The following VNN1 variants were observed in gnomAD, a reference collection of about 807,000 sequenced individuals.
VNN1 encodes the protein pantetheinase.
Under a neutral mutation model 41.9 loss-of-function variants are expected in VNN1, and 29 were observed. That is an observed-to-expected ratio of 0.69 (90% CI 0.52 to 0.94). The LOEUF (loss-of-function observed/expected upper bound fraction) is 0.94. Ranked by LOEUF, VNN1 falls within the 40% of genes least tolerant of loss-of-function variation. VNN1 has a pLI of 0.00. For missense variants in VNN1, 637 were observed against 621.1 expected, an observed-to-expected ratio of 1.03 and a Z score of -0.27; for synonymous variants, 233 against 224.4, an observed-to-expected ratio of 1.04 and a Z score of -0.34.
intron 4 of VNN1, 87 bp from the exon 5 acceptor site, chr6:132,692,671 C>A: frequency 6.9e-7 from 1 of 1,443,082 alleles, no homozygotes; most frequent in Non-Finnish European, 9.1e-7. Context: ...ACCTCATATT[C>A]ACATTTTACT....
intron 2 of VNN1, among the ~76,000 whole-genome samples, chr6:132,703,069 C>T (rs1439716012): frequency 6.6e-6 from 1 of 152,180 alleles, no homozygotes; most frequent in Non-Finnish European, 1.5e-5. Context: ...CTCCTAAAGT[C>T]CTCAATTCCA....
At chr6:132,712,537 CCT>C (rs1032339255) in intron 1 of VNN1, among the ~76,000 whole-genome samples, 1 of 152,154 alleles carries the variant, frequency 6.6e-6, no homozygotes, top group African/African-American at 2.4e-5. Context: ...TGGAACCAAG[CCT>C]CTCCTTGAAC....
In VNN1 at chr6:132,694,144, A is replaced by T. The variant is rs753183140; in HGVS notation, c.380T>A (p.Leu127Gln). 6.2e-7 allele frequency: 1 copy of T among 1,612,936 alleles called. No individual in the cohort carries two copies. The highest frequency in any genetic ancestry group is 1.1e-5 in the South Asian group (1 of 90,836). Residue 127 changes from leucine (L) to glutamine (Q), a missense_variant, in exon 3 of 7, where the codon CTG becomes CAG. Physicochemically the swap from Leu to Gln is moderately radical, Grantham distance 113. Coordinates refer to ENST00000367928, the MANE Select transcript of VNN1 (RefSeq NM_004666.3). ...AACATAGATAGAGTTGTTCTTGGCC[A>T]GGCAGCTGAGTCTTTCTTGTACTGG... Reference protein sequence around the residue: ...QTPVQERLSCLAKNNSIYVVA... With the variant: ...QTPVQERLSCQAKNNSIYVVA...
chr6:132,692,637 T>C, intron 4 of VNN1, 53 bp from the exon 5 acceptor site: 1 of 1,506,334 alleles, frequency 6.6e-7, no homozygotes, highest in Non-Finnish European at 8.8e-7. Context: ...AAAAAGGGAT[T>C]TCATAATTGT....
chr6:132,694,507 A>G (rs1197880378), intron 2 of VNN1, among the ~76,000 whole-genome samples: 1 of 152,178 alleles, frequency 6.6e-6, no homozygotes, highest in Non-Finnish European at 1.5e-5. Flanking sequence ...ATCATAGATC[A>G]ATGACTTACA....
In VNN1 at chr6:132,682,566, C is replaced by G. The variant is rs41286178; in HGVS notation, c.*574G>C. On this transcript the variant is annotated 3_prime_UTR_variant, in exon 7 of 7. Coordinates refer to ENST00000367928, the MANE Select transcript of VNN1 (RefSeq NM_004666.3). Reference sequence around the variant, plus strand: ...TACTCGCCTCTTCTTTTATGATCATCAGTCATATTGAATTAGGGTCTATCC... The same window carrying G: ...TACTCGCCTCTTCTTTTATGATCATGAGTCATATTGAATTAGGGTCTATCC... 0.032 allele frequency: 4,860 copies of G among 152,334 alleles called. 117 individuals are homozygous for G. Among genetic ancestry groups the G allele is most frequent in the Non-Finnish European group, 0.052 (3,525 of 68,120 alleles). 9.4% of individuals were successfully genotyped at this position (152,334 alleles called of 1,614,324 possible).
At chr6:132,699,120 T>C in intron 2 of VNN1, 1 of 316,578 alleles carries the variant, frequency 3.2e-6, no homozygotes. Flanking sequence ...GAAAGGGATG[T>C]CCCATTGGCA....
At chr6:132,702,268 C>T (rs1778458372) in intron 2 of VNN1, among the ~76,000 whole-genome samples, 1 of 152,208 alleles carries the variant, frequency 6.6e-6, no homozygotes, top group Admixed American at 6.5e-5. Context: ...CTGTTGTGAA[C>T]TGTGCATCTG....
intron 2 of VNN1, among the ~76,000 whole-genome samples, chr6:132,701,701 G>A (rs1383381190): frequency 6.6e-6 from 1 of 152,164 alleles, no homozygotes; most frequent in East Asian, 1.9e-4. Context: ...AAAATCAGAA[G>A]AGTAATCACA....
chr6:132,708,386 A>C (rs940872121), intron 2 of VNN1, among the ~76,000 whole-genome samples: 1 of 152,184 alleles, frequency 6.6e-6, no homozygotes, highest in Non-Finnish European at 1.5e-5. Context: ...AGATATAATT[A>C]GAAACTTCAA....
rs1348698523 is a variant in VNN1, at chr6:132,684,265, G to C, written c.1359+70C>G. The C allele has an allele frequency of 4.1e-6, 6 of 1,458,620 alleles. No homozygotes were observed. In the Admixed American group the frequency reaches 1.1e-4, roughly 27 times the overall value. 90.4% of individuals were successfully genotyped at this position (1,458,620 alleles called of 1,614,324 possible). A position where few individuals can be genotyped will look rare whatever the true frequency, so the allele number is the denominator to read the frequency against. On this transcript the variant is annotated intron_variant, in intron 6 of 6. Transcript: ENST00000367928. ...AATTTTATGATATTTGTAAGCACTT[G>C]AGCAGATTTTTATATCAAAAAGTGC...
intron 5 of VNN1, among the ~76,000 whole-genome samples, chr6:132,688,192 C>A (rs963498351): frequency 2.0e-5 from 3 of 152,116 alleles, no homozygotes; most frequent in African/African-American, 7.2e-5. Context: ...AACCCACTGG[C>A]ACATTGGCAT....
intron 2 of VNN1, among the ~76,000 whole-genome samples, chr6:132,706,585 C>T (rs1243782911): frequency 1.3e-5 from 2 of 152,158 alleles, no homozygotes; most frequent in East Asian, 3.9e-4. Context: ...CTCTCCAGGA[C>T]ATTGGTCTGG....
intron 2 of VNN1, among the ~76,000 whole-genome samples, chr6:132,708,474 A>T (rs45497603): frequency 0.018 from 2,681 of 152,298 alleles, 75 homozygotes; most frequent in African/African-American, 0.06. Context: ...CTGTTCCTTT[A>T]ACGCTCAGTC....
intron 2 of VNN1, among the ~76,000 whole-genome samples, chr6:132,698,210 AAGG>A (rs1279689796): frequency 6.6e-6 from 1 of 152,262 alleles, no homozygotes; most frequent in East Asian, 1.9e-4. Context: ...CTGGGCACAG[AAGG>A]AGGAGGTGAA....
At chr6:132,710,044 GGTTT>G (rs954272181) in intron 2 of VNN1, among the ~76,000 whole-genome samples, 7 of 151,848 alleles carry the variant, frequency 4.6e-5, no homozygotes, top group Admixed American at 1.3e-4. Context: ...AGTTTTTGTG[GGTTT>G]GTTTGTTTGT....
intron 2 of VNN1, among the ~76,000 whole-genome samples, chr6:132,710,123 A>G (rs896533974): frequency 6.6e-6 from 1 of 152,060 alleles, no homozygotes. Flanking sequence ...CTCTTGGCTC[A>G]CTGCAACCTC....
chr6:132,711,855 C>T lies in VNN1; in HGVS notation c.211-16G>A, dbSNP rs747434247. 4 of 1,611,736 alleles carry T rather than the reference C, an allele frequency of 2.5e-6. No individual in the cohort carries two copies. The South Asian group carries it at 4.4e-5, about 18-fold the overall frequency. On this transcript the variant is annotated splice_polypyrimidine_tract_variant and intron_variant, in intron 1 of 6. Coordinates refer to ENST00000367928, the MANE Select transcript of VNN1 (RefSeq NM_004666.3). Reference sequence around the variant, plus strand: ...TATGCGCACCCTGTTAAAAATGCAACTTAATCCAAAGGGGGGCCTGCAAGA... The same window carrying T: ...TATGCGCACCCTGTTAAAAATGCAATTTAATCCAAAGGGGGGCCTGCAAGA...
Position 132,683,186 on chromosome 6 carries a change from A to G in VNN1, c.1496T>C (p.Ile499Thr). The change falls in exon 7 of 7, where the codon ATA becomes ACA. Residue 499 changes from isoleucine (I) to threonine (T), a missense_variant. Transcript: ENST00000367928. ...AATAGGTGCTATAACTATTAGCATT[A>G]TTATTCTTGCTTGTGCTGTGAGGCC... ...SSGLTAQARI[I>T]MLIVIAPIVC... 6.2e-7 allele frequency: 1 copy of G among 1,614,068 alleles called. No homozygotes were observed. The highest frequency in any genetic ancestry group is 1.1e-5 in the South Asian group (1 of 91,078).
Sources: allele counts gnomAD v4.1 joint callset (sites outside exome capture counted in the v4.1 genomes callset), GRCh38; gene constraint gnomAD v4.1.1; transcripts MANE v1.5; gene names NCBI Gene and HGNC (gene_info 2026-07-23, HGNC 2026-07-21).